Variants in NECTIN3 observed in about 807,000 individuals in gnomAD.
NECTIN3 encodes the protein nectin cell adhesion molecule 3.
In NECTIN3, 8 loss-of-function variants were observed where a neutral mutation model predicts 49.4. The ratio of observed to expected loss-of-function variants is 0.16; its 90% CI spans 0.10 to 0.29. The LOEUF is 0.29. Among genes scored for constraint, NECTIN3 ranks in the 10% least tolerant of loss-of-function variants. The probability of loss-of-function intolerance (pLI) is 1.00; values close to 1 mark genes in which losing one functional copy is unlikely to be tolerated. For synonymous variants in NECTIN3, 277 were observed against 241.1 expected (o/e 1.15, Z -1.38); for missense variants, 581 against 654.6 (o/e 0.89, Z 1.23).
At chr3:111,098,839 C>T (rs1239058907) in intron 1 of NECTIN3, among the ~76,000 whole-genome samples, 2 of 151,670 alleles carry the variant, frequency 1.3e-5, no homozygotes, top group Non-Finnish European at 2.9e-5. Context: ...TTTAAGTTTC[C>T]CAAGGTAAGG....
intron 7 of NECTIN3, among the ~76,000 whole-genome samples, chr3:111,172,413 C>T (rs937273740): frequency 1.3e-5 from 2 of 152,144 alleles, no homozygotes; most frequent in Non-Finnish European, 2.9e-5. Context: ...AAAATAATAT[C>T]ATTTCCATCT....
In NECTIN3 at chr3:111,136,758, A is replaced by G. The variant is rs2034592131; in HGVS notation, c.*2543A>G. The G allele has an allele frequency of 1.1e-6, 1 of 924,798 alleles. No homozygotes were observed. The highest frequency in any genetic ancestry group is 5.6e-4 in the Middle Eastern group (1 of 1,796). The allele number at this position is 924,798 out of a possible 1,614,324, so 57.3% of individuals were successfully genotyped here. A position where few individuals can be genotyped will look rare whatever the true frequency, so the allele number is the denominator to read the frequency against. On this transcript the variant is annotated 3_prime_UTR_variant, in exon 6 of 6. Coordinates refer to ENST00000485303, the MANE Select transcript of NECTIN3 (RefSeq NM_015480.3). Reference sequence around the variant, plus strand: ...GGTTTGAACTGTTTTAGCATTTTGTAAATTCACTTGAGAGTTTTCTTTCAT... The same window carrying G: ...GGTTTGAACTGTTTTAGCATTTTGTGAATTCACTTGAGAGTTTTCTTTCAT...
chr3:111,090,904 T>G (rs1310240098), intron 1 of NECTIN3, among the ~76,000 whole-genome samples: 1 of 149,984 alleles, frequency 6.7e-6, no homozygotes, highest in Non-Finnish European at 1.5e-5. Flanking sequence ...TTGTTTAACT[T>G]TATCCTCATT....
chr3:111,186,090 T>G (rs1164129275), intron 7 of NECTIN3, among the ~76,000 whole-genome samples: 1 of 152,140 alleles, frequency 6.6e-6, no homozygotes, highest in Non-Finnish European at 1.5e-5. Context: ...GAGTGCACAT[T>G]AAAATATTTA....
chr3:111,104,663 T>C (rs1464268373), intron 1 of NECTIN3, among the ~76,000 whole-genome samples: 2 of 151,928 alleles, frequency 1.3e-5, no homozygotes, highest in East Asian at 3.9e-4. Context: ...TATTGTGGAG[T>C]TTTGGGAGTT....
At chr3:111,193,103 A>T in intron 1 of NECTIN3, 1 of 1,082,370 alleles carries the variant, frequency 9.2e-7, no homozygotes, top group Non-Finnish European at 1.3e-6. Flanking sequence ...AATCAGGGAC[A>T]CTAAACTGTA....
intron 7 of NECTIN3, among the ~76,000 whole-genome samples, chr3:111,186,438 A>G (rs2035721345): frequency 6.6e-6 from 1 of 152,212 alleles, no homozygotes; most frequent in Non-Finnish European, 1.5e-5. Context: ...TGACAAAGTC[A>G]ACAAAAAACA....
At chr3:111,127,274 C>CT (rs1403584930) in intron 5 of NECTIN3, among the ~76,000 whole-genome samples, 1 of 152,058 alleles carries the variant, frequency 6.6e-6, no homozygotes, top group African/African-American at 2.4e-5. Context: ...ATTCTCAGTC[C>CT]TTGTGTGATC....
intron 7 of NECTIN3, among the ~76,000 whole-genome samples, chr3:111,169,665 G>A (rs1374160134): frequency 6.6e-6 from 1 of 152,094 alleles, no homozygotes; most frequent in African/African-American, 2.4e-5. Flanking sequence ...TCAGCGGCAA[G>A]TACATTCTAT....
chr3:111,078,782 C>T (rs2031408768), intron 1 of NECTIN3, among the ~76,000 whole-genome samples: 1 of 152,104 alleles, frequency 6.6e-6, no homozygotes, highest in Non-Finnish European at 1.5e-5. Flanking sequence ...CATTGCCTCA[C>T]CCATTTTGAA....
intron 1 of NECTIN3, among the ~76,000 whole-genome samples, chr3:111,085,940 G>T (rs1242336337): frequency 1.3e-5 from 2 of 152,118 alleles, no homozygotes; most frequent in Non-Finnish European, 2.9e-5. Flanking sequence ...AATAATGTTT[G>T]AGAGTTTCAA....
intron 1 of NECTIN3, chr3:111,074,274 G>A: frequency 2.2e-6 from 1 of 456,254 alleles, no homozygotes; most frequent in South Asian, 1.6e-5. Flanking sequence ...CTAACAAGTT[G>A]TTGATTTAAC....
At position 111,134,447 on chromosome 3, in the gene NECTIN3, A is replaced by G; in HGVS notation, c.*232A>G. 1 of 1,204,066 alleles carries G rather than the reference A, an allele frequency of 8.3e-7. No individual in the cohort carries two copies. The highest frequency in any genetic ancestry group is 1.0e-6 in the Non-Finnish European group (1 of 967,536). 74.6% of individuals were successfully genotyped at this position (1,204,066 alleles called of 1,614,324 possible). ...CTACTGTCTCAAGATTTAAATTTTAATGCAGAGTACTTTATTGGTGTGAGG... is the reference window on the plus strand; with the variant it reads ...CTACTGTCTCAAGATTTAAATTTTAGTGCAGAGTACTTTATTGGTGTGAGG... On this transcript the variant is annotated 3_prime_UTR_variant, in exon 6 of 6. Transcript: ENST00000485303.
chr3:111,129,798 G>A (rs969191151), intron 5 of NECTIN3, among the ~76,000 whole-genome samples: 4 of 151,364 alleles, frequency 2.6e-5, no homozygotes, highest in South Asian at 2.1e-4. Flanking sequence ...ACAGGCACAC[G>A]CTGCCATGCT....
chr3:111,145,289 G>A (rs1167593990), intron 6 of NECTIN3, among the ~76,000 whole-genome samples: 1 of 152,086 alleles, frequency 6.6e-6, no homozygotes, highest in Non-Finnish European at 1.5e-5. Context: ...TCTTTATAAA[G>A]GGTAACATAG....
intron 7 of NECTIN3, among the ~76,000 whole-genome samples, chr3:111,182,412 CTA>C (rs1202772059): frequency 6.6e-6 from 1 of 152,044 alleles, no homozygotes; most frequent in African/African-American, 2.4e-5. Context: ...TCTATAGTAA[CTA>C]AGATGGGAAT....
intron 7 of NECTIN3, chr3:111,147,495 A>G (rs1449804105): frequency 6.8e-7 from 1 of 1,477,906 alleles, no homozygotes; most frequent in East Asian, 2.5e-5. Flanking sequence ...GTATGTGTTC[A>G]TGAGTACACT....
chr3:111,082,860 G>C (rs2031703900), intron 1 of NECTIN3, among the ~76,000 whole-genome samples: 1 of 152,200 alleles, frequency 6.6e-6, no homozygotes, highest in African/African-American at 2.4e-5. Flanking sequence ...GTCCCGTCTG[G>C]GGGTGATGGG....
intron 7 of NECTIN3, among the ~76,000 whole-genome samples, chr3:111,163,582 G>T (rs114314569): frequency 0.013 from 2,033 of 152,224 alleles, 47 homozygotes; most frequent in African/African-American, 0.047. Context: ...TCTTTGCAAG[G>T]TTTGTAATGT....
Sources: allele counts gnomAD v4.1 joint callset (sites outside exome capture counted in the v4.1 genomes callset), GRCh38; gene constraint gnomAD v4.1.1; transcripts MANE v1.5; gene names NCBI Gene and HGNC (gene_info 2026-07-23, HGNC 2026-07-21).